Variants in ATP8A2 observed in about 807,000 individuals in gnomAD.
ATP8A2 encodes ATPase phospholipid transporting 8A2.
A neutral mutation model predicts 165.6 loss-of-function variants in ATP8A2; 100 were observed. The observed-to-expected ratio is 0.60, with a 90% CI of 0.51 to 0.71. ATP8A2 has a LOEUF of 0.71. Among genes scored for constraint, ATP8A2 ranks in the 30% least tolerant of loss-of-function variants. The probability of loss-of-function intolerance (pLI) is 0.00; values close to 1 mark genes in which losing one functional copy is unlikely to be tolerated. For missense variants in ATP8A2, 1,227 were observed against 1,479.5 expected (o/e 0.83, Z 2.80); for synonymous variants, 543 against 548.8 (o/e 0.99, Z 0.15).
At chr13:25,670,500 ATAT>A (rs1199970486) in intron 24 of ATP8A2, among the ~76,000 whole-genome samples, 1 of 152,118 alleles carries the variant, frequency 6.6e-6, no homozygotes, top group Non-Finnish European at 1.5e-5. Flanking sequence ...ATGTTTACTA[ATAT>A]TTGCTAAAAA....
At chr13:25,562,157 G>C (rs766106682) in intron 15 of ATP8A2, among the ~76,000 whole-genome samples, 3 of 152,050 alleles carry the variant, frequency 2.0e-5, no homozygotes, top group Admixed American at 1.3e-4. Flanking sequence ...TTACTGGGTC[G>C]TATGGTAATT....
chr13:25,710,094 G>A lies in ATP8A2; in HGVS notation c.2384+10749G>A, dbSNP rs940520931. 3.3e-5 allele frequency among the ~76,000 whole-genome samples: 5 copies of A among 152,152 alleles called. No individual in the cohort carries two copies. In the East Asian group the frequency reaches 9.6e-4, roughly 29 times the overall value. On this transcript the variant is annotated intron_variant, in intron 25 of 36. Coordinates refer to ENST00000381655, the MANE Select transcript of ATP8A2 (RefSeq NM_016529.6). ...ACATGTGTTTAGATAATGTTGTGGA[G>A]AAGGAGGAGACTTTTATTTTTTTTA...
chr13:25,423,326 A>G (rs545443214), intron 1 of ATP8A2, among the ~76,000 whole-genome samples: 1 of 152,248 alleles, frequency 6.6e-6, no homozygotes, highest in Admixed American at 6.5e-5. Flanking sequence ...ATCTTAAAGC[A>G]GTATAATATA....
At chr13:26,006,311 T>G (rs1446548765) in intron 35 of ATP8A2, among the ~76,000 whole-genome samples, 1 of 152,044 alleles carries the variant, frequency 6.6e-6, no homozygotes, top group Admixed American at 6.5e-5. Context: ...CTTATCAGAT[T>G]GTACATTGCT....
chr13:25,790,697 A>C (rs2045146556), intron 27 of ATP8A2, among the ~76,000 whole-genome samples: 1 of 151,596 alleles, frequency 6.6e-6, no homozygotes, highest in Non-Finnish European at 1.5e-5. Context: ...TTGTCTCAAA[A>C]AAAAAAAAAA....
At chr13:25,577,688 T>G (rs1338354137) in intron 20 of ATP8A2, among the ~76,000 whole-genome samples, 1 of 152,212 alleles carries the variant, frequency 6.6e-6, no homozygotes, top group Non-Finnish European at 1.5e-5. Flanking sequence ...TCTAAATGGT[T>G]TATCTCAAAG....
chr13:25,923,371 G>T (rs969300998), intron 33 of ATP8A2, among the ~76,000 whole-genome samples: 2 of 152,168 alleles, frequency 1.3e-5, no homozygotes, highest in Non-Finnish European at 2.9e-5. Context: ...GACAGAAAGG[G>T]TAAGCTGCAG....
At chr13:25,574,927 C>A in intron 19 of ATP8A2, 70 bp downstream of exon 19, 1 of 865,702 alleles carries the variant, frequency 1.2e-6, no homozygotes, top group Non-Finnish European at 1.9e-6. Context: ...AGAGTGTTTA[C>A]ATGATTGTAT....
chr13:26,014,861 C>A (rs1396827512), intron 36 of ATP8A2, among the ~76,000 whole-genome samples: 1 of 152,120 alleles, frequency 6.6e-6, no homozygotes, highest in African/African-American at 2.4e-5. Flanking sequence ...TGATATACAT[C>A]TTACACAGTC....
intron 33 of ATP8A2, among the ~76,000 whole-genome samples, chr13:25,921,957 A>AT (rs1954472156): frequency 6.6e-6 from 1 of 152,164 alleles, no homozygotes; most frequent in South Asian, 2.1e-4. Context: ...CCATTGTTAG[A>AT]TTTTGTAAAA....
intron 35 of ATP8A2, among the ~76,000 whole-genome samples, chr13:25,988,555 C>T (rs934797789): frequency 6.6e-5 from 10 of 152,104 alleles, no homozygotes; most frequent in African/African-American, 2.2e-4. Flanking sequence ...TGCCTCCCTC[C>T]ATGTGGGATG....
chr13:25,807,143 T>G (rs780968633), intron 27 of ATP8A2, among the ~76,000 whole-genome samples: 5 of 110,398 alleles, frequency 4.5e-5, no homozygotes, highest in Non-Finnish European at 5.8e-5. Context: ...TCTTTTCACC[T>G]TCTTTATAGT....
chr13:25,663,929 C>T (rs1347441264), intron 24 of ATP8A2, among the ~76,000 whole-genome samples: 1 of 152,122 alleles, frequency 6.6e-6, no homozygotes, highest in Non-Finnish European at 1.5e-5. Flanking sequence ...AATTAGACGG[C>T]CAGGCATGGT....
At chr13:25,597,652 GA>G (rs1458337605) in intron 24 of ATP8A2, among the ~76,000 whole-genome samples, 5 of 152,156 alleles carry the variant, frequency 3.3e-5, no homozygotes, top group African/African-American at 1.2e-4. Flanking sequence ...GTCAGGCCTT[GA>G]GGTGAGACTC....
chr13:25,611,935 T>C (rs1593647208), intron 24 of ATP8A2, among the ~76,000 whole-genome samples: 1 of 152,318 alleles, frequency 6.6e-6, no homozygotes, highest in Admixed American at 6.5e-5. Context: ...AAGGTGTTCA[T>C]AGTAGCCTTG....
chr13:25,584,971 GTT>G (rs1220381665), intron 23 of ATP8A2, among the ~76,000 whole-genome samples: 1 of 151,924 alleles, frequency 6.6e-6, no homozygotes, highest in African/African-American at 2.4e-5. Flanking sequence ...TCTTTTTAGA[GTT>G]TGGTTTTTTA....
At chr13:25,637,249 T>TGGACAGTAGGTGCA (rs1480311449) in intron 24 of ATP8A2, among the ~76,000 whole-genome samples, 3 of 152,034 alleles carry the variant, frequency 2.0e-5, no homozygotes. Context: ...TGGGGCTAGT[T>TGGACAGTAGGTGCA]GGACAGTAGG....
In ATP8A2 at chr13:25,372,182, C is replaced by A. The variant is rs1330071257; in HGVS notation, c.-31C>A. 2.1e-6 allele frequency: 3 copies of A among 1,409,352 alleles called. No individual in the cohort carries two copies. Among genetic ancestry groups the A allele is most frequent in the Non-Finnish European group, 1.9e-6 (2 of 1,068,298 alleles). The allele number at this position is 1,409,352 out of a possible 1,614,324, so 87.3% of individuals were successfully genotyped here. On this transcript the variant is annotated 5_prime_UTR_variant, in exon 1 of 37. Transcript: ENST00000381655. This position sits in a 1 kb window ranked among gnomAD's most constrained non-coding sequence, Gnocchi z 4.8. ...CCTGCGCGTAGCCTCCGTCTCTCGCCCGGGGCCGCCGAGCCCCCGACACGG... is the reference window on the plus strand; with the variant it reads ...CCTGCGCGTAGCCTCCGTCTCTCGCACGGGGCCGCCGAGCCCCCGACACGG...
chr13:25,570,106 G>A (rs2039422642), intron 16 of ATP8A2, among the ~76,000 whole-genome samples: 1 of 152,112 alleles, frequency 6.6e-6, no homozygotes, highest in African/African-American at 2.4e-5. Context: ...CATATCCAGG[G>A]CAATTCTGGT....
Sources: gnomAD v4.1 joint callset for allele counts (sites outside exome capture counted in the v4.1 genomes callset) on GRCh38, gnomAD v4.1.1 for gene constraint, Gnocchi (gnomAD v3.1) non-coding constraint, MANE v1.5 for transcripts, NCBI Gene and HGNC (gene_info 2026-07-23, HGNC 2026-07-21) for gene names.